The following ARSB variants were observed in gnomAD, a reference collection of about 807,000 sequenced individuals.
ARSB encodes N-acetylgalactosamine-4-sulfatase.
Under a neutral mutation model 50.9 loss-of-function variants are expected in ARSB, and 41 were observed. The observed-to-expected ratio is 0.81, with a 90% CI of 0.63 to 1.04. The LOEUF (loss-of-function observed/expected upper bound fraction) is 1.04. ARSB is among the 50% of genes least tolerant of loss of function. The probability of loss-of-function intolerance (pLI) is 0.00; values close to 1 mark genes in which losing one functional copy is unlikely to be tolerated. For missense variants in ARSB, 672 were observed against 693.3 expected (o/e 0.97, Z 0.35); for synonymous variants, 269 against 284.8 (o/e 0.94, Z 0.56).
At chr5:78,968,542 A>G (rs1208052582) in intron 2 of ARSB, among the ~76,000 whole-genome samples, 3 of 151,708 alleles carry the variant, frequency 2.0e-5, no homozygotes, top group African/African-American at 7.3e-5. Flanking sequence ...GTAGAGACAG[A>G]GTTTCACCGT....
At chr5:78,897,781 T>C (rs1467050796) in intron 4 of ARSB, among the ~76,000 whole-genome samples, 1 of 151,882 alleles carries the variant, frequency 6.6e-6, no homozygotes, top group Non-Finnish European at 1.5e-5. Context: ...ATATATTCTA[T>C]AAATATAAAA....
intron 4 of ARSB, among the ~76,000 whole-genome samples, chr5:78,900,762 G>A (rs888250437): frequency 6.6e-6 from 1 of 152,070 alleles, no homozygotes; most frequent in African/African-American, 2.4e-5. Flanking sequence ...AGCAATGGGC[G>A]GGCGCAGTAG....
rs1752891233 is a variant in ARSB, at chr5:78,981,245, C to T, written c.312+3692G>A. Among the ~76,000 whole-genome samples, 3 of 4,660 alleles carry T rather than the reference C, an allele frequency of 6.4e-4. 1 individual carries two copies. Among genetic ancestry groups the T allele is most frequent in the Admixed American group, 2.9e-3 (1 of 346 alleles). 3.1% of individuals were successfully genotyped at this position (4,660 alleles called of 152,430 possible). Reference sequence around the variant, plus strand: ...GATTACAGGCGTGAGCCACCGCGCCCGGCCGAATTTCTAGTTCTTGAATTT... The same window carrying T: ...GATTACAGGCGTGAGCCACCGCGCCTGGCCGAATTTCTAGTTCTTGAATTT... On this transcript the variant is annotated intron_variant, in intron 1 of 7. Transcript: ENST00000264914.
intron 6 of ARSB, among the ~76,000 whole-genome samples, chr5:78,833,440 G>C (rs1561446920): frequency 6.6e-6 from 1 of 152,210 alleles, no homozygotes; most frequent in Non-Finnish European, 1.5e-5. Context: ...AGAGACCAAA[G>C]CACTTCCAAG....
At chr5:78,818,595 GCTCT>G (rs1743084517) in intron 6 of ARSB, among the ~76,000 whole-genome samples, 1 of 111,288 alleles carries the variant, frequency 9.0e-6, no homozygotes, top group African/African-American at 3.3e-5. Flanking sequence ...ATAAAATAAA[GCTCT>G]TTTTTTTTTT....
chr5:78,851,421 G>C (rs1158425280), intron 5 of ARSB, among the ~76,000 whole-genome samples: 2 of 152,168 alleles, frequency 1.3e-5, no homozygotes, highest in South Asian at 2.1e-4. Flanking sequence ...TGTGGTCTGA[G>C]AGACAGTTTG....
intron 4 of ARSB, among the ~76,000 whole-genome samples, chr5:78,912,321 C>T (rs940241092): frequency 1.3e-5 from 2 of 152,168 alleles, no homozygotes; most frequent in African/African-American, 2.4e-5. Flanking sequence ...ACTCCATCAA[C>T]GATATCAACA....
At chr5:78,864,726 A>G (rs1414380190) in intron 5 of ARSB, among the ~76,000 whole-genome samples, 1 of 152,248 alleles carries the variant, frequency 6.6e-6, no homozygotes. Context: ...CTGTAAAATC[A>G]AAAGCAAGCT....
At position 78,983,886 on chromosome 5, in the gene ARSB, G is replaced by C. The variant is rs114996404; in HGVS notation, c.312+1051C>G. Among the ~76,000 whole-genome samples, 294 of 152,316 alleles carry C rather than the reference G, an allele frequency of 1.9e-3. 1 individual carries two copies. The highest frequency in any genetic ancestry group is 6.8e-3 in the African/African-American group (283 of 41,564). ...ATATATATCCCCTGTCAGTAGCACAGTAAGCTCAAAATATTTTTGTTGAGT... is the reference window on the plus strand; with the variant it reads ...ATATATATCCCCTGTCAGTAGCACACTAAGCTCAAAATATTTTTGTTGAGT... On this transcript the variant is annotated intron_variant, in intron 1 of 7. Transcript: ENST00000264914.
chr5:78,825,188 T>C (rs905426810), intron 6 of ARSB, among the ~76,000 whole-genome samples: 2 of 152,214 alleles, frequency 1.3e-5, no homozygotes, highest in Non-Finnish European at 1.5e-5. Context: ...ATGTCATCCT[T>C]GGAGCTGCCA....
intron 4 of ARSB, among the ~76,000 whole-genome samples, chr5:78,922,269 G>T (rs949860151): frequency 6.6e-6 from 1 of 151,950 alleles, no homozygotes; most frequent in African/African-American, 2.4e-5. Context: ...AGTGCAGCTC[G>T]CAGCCCTGGG....
intron 5 of ARSB, among the ~76,000 whole-genome samples, chr5:78,848,153 G>T (rs1305454236): frequency 6.6e-6 from 1 of 150,518 alleles, no homozygotes; most frequent in Non-Finnish European, 1.5e-5. Flanking sequence ...GTGCCATGCT[G>T]TTGTGCTGCA....
intron 4 of ARSB, among the ~76,000 whole-genome samples, chr5:78,941,582 C>A (rs928664080): frequency 7.2e-5 from 11 of 152,056 alleles, no homozygotes; most frequent in South Asian, 4.1e-4. Flanking sequence ...GCTGGATTAC[C>A]TTTATTGATT....
Position 78,780,661 on chromosome 5 carries a change from GC to G in ARSB, c.1337del (p.Gly446AlafsTer128). ...GNWKLLTGYP[G>X]CGYWFPPPSQ... ...ACGGTGGAGGGAACCAGTAACCACAGCCTAGCAAAGAAAACAAAACAGTTTA... is the reference window on the plus strand; with the variant it reads ...ACGGTGGAGGGAACCAGTAACCACAGCTAGCAAAGAAAACAAAACAGTTTA... On this transcript the variant is annotated frameshift_variant and splice_region_variant, in exon 8 of 8. Coordinates refer to ENST00000264914, the MANE Select transcript of ARSB (RefSeq NM_000046.5). LOFTEE classifies it high-confidence loss of function. The G allele has an allele frequency of 6.2e-7, 1 of 1,614,072 alleles. No individual in the cohort carries two copies. The highest frequency in any genetic ancestry group is 8.5e-7 in the Non-Finnish European group (1 of 1,179,984).
At chr5:78,961,172 A>G (rs1387004521) in intron 3 of ARSB, among the ~76,000 whole-genome samples, 2 of 152,182 alleles carry the variant, frequency 1.3e-5, no homozygotes, top group South Asian at 2.1e-4. Flanking sequence ...TTATGCTACA[A>G]TCTATATATA....
chr5:78,820,799 C>A (rs768421002), intron 6 of ARSB, among the ~76,000 whole-genome samples: 2 of 152,014 alleles, frequency 1.3e-5, no homozygotes, highest in Non-Finnish European at 2.9e-5. Context: ...CCACTCAGGT[C>A]GTGACCACCA....
At position 78,903,382 on chromosome 5, in the gene ARSB, C is replaced by T. The variant is rs1157010227; in HGVS notation, c.899-17555G>A. Among the ~76,000 whole-genome samples, 112 of 152,224 alleles carry T rather than the reference C, an allele frequency of 7.4e-4. 1 individual carries two copies. Among genetic ancestry groups the T allele is most frequent in the Non-Finnish European group, 4.4e-5 (3 of 68,042 alleles). ...TCAGAACACAAGCAGGGATATATCT[C>T]AGCACAAAAGATGTGATTCCTCGAG... On this transcript the variant is annotated intron_variant, in intron 4 of 7. Transcript: ENST00000264914.
intron 4 of ARSB, among the ~76,000 whole-genome samples, chr5:78,899,447 A>C (rs1222483840): frequency 6.6e-6 from 1 of 152,132 alleles, no homozygotes; most frequent in Non-Finnish European, 1.5e-5. Flanking sequence ...CAACAGCAGT[A>C]ATTCTTAGAT....
At chr5:78,862,508 C>A (rs1746494900) in intron 5 of ARSB, among the ~76,000 whole-genome samples, 1 of 152,128 alleles carries the variant, frequency 6.6e-6, no homozygotes, top group Admixed American at 6.5e-5. Flanking sequence ...GGAAAGTATT[C>A]CCTATTTAAT....
Sources: gnomAD v4.1 joint callset for allele counts (sites outside exome capture counted in the v4.1 genomes callset) on GRCh38, gnomAD v4.1.1 for gene constraint, MANE v1.5 for transcripts, NCBI Gene and HGNC (gene_info 2026-07-23, HGNC 2026-07-21) for gene names.